GALNT17: variants seen among roughly 807,000 people sequenced by gnomAD.
GALNT17 encodes UDP-GalNAc:polypeptide N-acetylgalactosaminyltransferase-like 3.
Under a neutral mutation model 63.7 loss-of-function variants are expected in GALNT17, and 29 were observed. The ratio of observed to expected loss-of-function variants is 0.46; its 90% CI spans 0.34 to 0.62. The LOEUF (loss-of-function observed/expected upper bound fraction) is 0.62. Among genes scored for constraint, GALNT17 ranks in the 20% least tolerant of loss-of-function variants. GALNT17 has a pLI of 0.01. For missense variants in GALNT17, 603 were observed against 799.6 expected (o/e 0.75, Z 2.97); for synonymous variants, 305 against 318.3 (o/e 0.96, Z 0.45).
At chr7:71,626,240 CAAA>C (rs35227157) in intron 6 of GALNT17, among the ~76,000 whole-genome samples, 2 of 136,656 alleles carry the variant, frequency 1.5e-5, no homozygotes, top group African/African-American at 2.8e-5. Context: ...AAGATTCTGT[CAAA>C]AAAAAAAAAA....
chr7:71,262,862 G>T (rs533498448), intron 1 of GALNT17, among the ~76,000 whole-genome samples: 2 of 151,526 alleles, frequency 1.3e-5, no homozygotes, highest in East Asian at 4.0e-4. Flanking sequence ...TGTTTGTTTT[G>T]TAGAGATAGG....
chr7:71,693,306 A>ATATATATG lies in GALNT17; in HGVS notation c.1500+16000_1500+16001insTATATATG, dbSNP rs1791488733. ...CACACACACACACACACACACACAC[A>ATATATATG]CACATATATATATATGGAGACAAGA... On this transcript the variant is annotated intron_variant, in intron 9 of 10. Transcript: ENST00000333538. Among the ~76,000 whole-genome samples, 2 of 126,350 alleles carry ATATATATG rather than the reference A, an allele frequency of 1.6e-5. 1 individual carries two copies. The highest frequency in any genetic ancestry group is 6.2e-5 in the African/African-American group (2 of 32,418). The allele number at this position is 126,350 out of a possible 152,430, so 82.9% of individuals were successfully genotyped here.
In GALNT17 at chr7:71,471,400, AAAAAAAAAAAAAAAC is replaced by A. The variant is rs1468929788; in HGVS notation, c.962+50304_962+50318del. 2.4e-3 allele frequency among the ~76,000 whole-genome samples: 247 copies of A among 104,506 alleles called. 3 individuals are homozygous for A. The highest frequency in any genetic ancestry group is 3.5e-3 in the Non-Finnish European group (187 of 53,050). The allele number at this position is 104,506 out of a possible 152,430, so 68.6% of individuals were successfully genotyped here. ...GCTGAGCTCAGCATTTTTTTTTTCC[AAAAAAAAAAAAAAAC>A]AAAAAAAACCAAAAACCATATTTGG... On this transcript the variant is annotated intron_variant, in intron 5 of 10. Transcript: ENST00000333538.
chr7:71,646,378 G>A (rs1292651173), intron 6 of GALNT17, among the ~76,000 whole-genome samples: 1 of 152,112 alleles, frequency 6.6e-6, no homozygotes, highest in Non-Finnish European at 1.5e-5. Flanking sequence ...GCAGGACCAG[G>A]GCTGTTCCTG....
At chr7:71,687,052 C>T (rs1791370507) in intron 9 of GALNT17, among the ~76,000 whole-genome samples, 2 of 152,028 alleles carry the variant, frequency 1.3e-5, no homozygotes, top group East Asian at 1.9e-4. Context: ...TCAGTAGGCT[C>T]AGGGGAGGAC....
At chr7:71,532,020 A>G (rs999954202) in intron 5 of GALNT17, among the ~76,000 whole-genome samples, 1 of 152,154 alleles carries the variant, frequency 6.6e-6, no homozygotes, top group Non-Finnish European at 1.5e-5. Context: ...TTAATGGCAA[A>G]TGCTCAGTGC....
At chr7:71,689,196 C>T (rs1791406436) in intron 9 of GALNT17, among the ~76,000 whole-genome samples, 1 of 152,042 alleles carries the variant, frequency 6.6e-6, no homozygotes, top group African/African-American at 2.4e-5. Flanking sequence ...CCTTTCTATT[C>T]CCCGAGACAC....
rs1343884887 is a variant in GALNT17, at chr7:71,575,043, G to T, written c.1080+3641G>T. Among the ~76,000 whole-genome samples, 3 of 152,234 alleles carry T rather than the reference G, an allele frequency of 2.0e-5. No homozygotes were observed. In the South Asian group the frequency reaches 6.2e-4, roughly 32 times the overall value. On this transcript the variant is annotated intron_variant, in intron 6 of 10. Transcript: ENST00000333538. ...TACCTTTTTAACTTCATGTACGGGT[G>T]TCTCGACCAGGTGACTACAGGGTTC...
At chr7:71,199,700 TCC>T (rs1562908057) in intron 1 of GALNT17, among the ~76,000 whole-genome samples, 4 of 134,610 alleles carry the variant, frequency 3.0e-5, no homozygotes, top group South Asian at 2.8e-4. Flanking sequence ...CATCCATCCA[TCC>T]ATCCATCCAT....
At chr7:71,171,394 G>T (rs548980411) in intron 1 of GALNT17, among the ~76,000 whole-genome samples, 4 of 152,124 alleles carry the variant, frequency 2.6e-5, no homozygotes, top group Non-Finnish European at 5.9e-5. Flanking sequence ...GCTGTTACTG[G>T]GGACGATGAG....
In GALNT17 at chr7:71,133,050, C is replaced by A; in HGVS notation, c.238+10C>A. On this transcript the variant is annotated intron_variant, in intron 1 of 10. Transcript: ENST00000333538. Reference sequence around the variant, plus strand: ...TACCGGCAGCTGAATGGTAAGGACGCACGCCGGCGCCTCCGGGGCTCGACG... The same window carrying A: ...TACCGGCAGCTGAATGGTAAGGACGAACGCCGGCGCCTCCGGGGCTCGACG... The A allele has an allele frequency of 6.5e-7, 1 of 1,538,490 alleles. No individual in the cohort carries two copies.
chr7:71,534,512 T>C (rs1788772081), intron 5 of GALNT17, among the ~76,000 whole-genome samples: 2 of 147,304 alleles, frequency 1.4e-5, no homozygotes, highest in African/African-American at 5.0e-5. Flanking sequence ...GGCAGGAGAA[T>C]GGTGTGAACC....
At chr7:71,617,623 TG>T in intron 6 of GALNT17, among the ~76,000 whole-genome samples, 1 of 54,654 alleles carries the variant, frequency 1.8e-5, no homozygotes, top group Non-Finnish European at 5.2e-5. Flanking sequence ...TGCTTTTGTT[TG>T]TTTGTTTGTT....
rs150489363 is a variant in GALNT17 at position 71,473,458 on chromosome 7, T to A, written c.962+52353T>A. ...AGCAATATATTTTGGGGTAAAACAT[T>A]TGGATTTCCTTCAGGGTCTGGCATG... On this transcript the variant is annotated intron_variant, in intron 5 of 10. Coordinates refer to ENST00000333538, the MANE Select transcript of GALNT17 (RefSeq NM_022479.3). Among the ~76,000 whole-genome samples the A allele has an allele frequency of 5.2e-3, 796 of 152,236 alleles. 8 individuals are homozygous for A. Among genetic ancestry groups the A allele is most frequent in the African/African-American group, 0.018 (760 of 41,540 alleles).
In GALNT17 at chr7:71,251,133, C is replaced by T. The variant is rs578203683; in HGVS notation, c.239-84417C>T. On this transcript the variant is annotated intron_variant, in intron 1 of 10. Coordinates refer to ENST00000333538, the MANE Select transcript of GALNT17 (RefSeq NM_022479.3). ...GCTGCACCCATTAACTCATCATTTA[C>T]GTTACGTATATCTCCTAATGCTATC... Among the ~76,000 whole-genome samples, 5 of 152,168 alleles carry T rather than the reference C, an allele frequency of 3.3e-5. No individual in the cohort carries two copies. The East Asian group carries it at 5.8e-4, about 18-fold the overall frequency.
intron 5 of GALNT17, among the ~76,000 whole-genome samples, chr7:71,449,458 A>G (rs1194980669): frequency 6.6e-6 from 1 of 151,910 alleles, no homozygotes; most frequent in African/African-American, 2.4e-5. Flanking sequence ...TTTATTTCCT[A>G]TCATTATATG....
intron 5 of GALNT17, among the ~76,000 whole-genome samples, chr7:71,556,026 A>G (rs1188230896): frequency 6.6e-6 from 1 of 152,228 alleles, no homozygotes; most frequent in Non-Finnish European, 1.5e-5. Context: ...ATCAAGGCTA[A>G]TGACTGCCTC....
chr7:71,425,687 A>G (rs901804273), intron 5 of GALNT17, among the ~76,000 whole-genome samples: 2 of 151,436 alleles, frequency 1.3e-5, no homozygotes, highest in Admixed American at 1.3e-4. Flanking sequence ...TTTACACTCA[A>G]CTCCTTGGAG....
intron 5 of GALNT17, among the ~76,000 whole-genome samples, chr7:71,488,441 G>A (rs115735455): frequency 1.6e-3 from 249 of 152,156 alleles, no homozygotes; most frequent in African/African-American, 5.3e-3. Flanking sequence ...ATGGGACCCC[G>A]TTGCTCATTA....
Sources: allele counts gnomAD v4.1 joint callset (sites outside exome capture counted in the v4.1 genomes callset), GRCh38; gene constraint gnomAD v4.1.1; transcripts MANE v1.5; gene names NCBI Gene and HGNC (gene_info 2026-07-23, HGNC 2026-07-21).